The following ADAMTS17 variants were observed in gnomAD, a reference collection of about 807,000 sequenced individuals.
ADAMTS17 encodes A disintegrin and metalloproteinase with thrombospondin motifs 17.
Under a neutral mutation model 141.5 loss-of-function variants are expected in ADAMTS17, and 113 were observed. The ratio of observed to expected loss-of-function variants is 0.80; its 90% CI spans 0.69 to 0.93. ADAMTS17 has a LOEUF of 0.93. Ranked by LOEUF, ADAMTS17 falls within the 40% of genes least tolerant of loss-of-function variation. ADAMTS17 has a pLI of 0.00. For synonymous variants in ADAMTS17, 768 were observed against 630.6 expected, an observed-to-expected ratio of 1.22 and a Z score of -3.27; for missense variants, 1,659 against 1,517.9, an observed-to-expected ratio of 1.09 and a Z score of -1.54.
chr15:100,051,253 G>A (rs1413570601), intron 17 of ADAMTS17, among the ~76,000 whole-genome samples: 3 of 152,166 alleles, frequency 2.0e-5, no homozygotes, highest in African/African-American at 7.2e-5. Context: ...GCAGTTGAAG[G>A]TCTATTCTGT....
chr15:100,162,394 CTA>C (rs1237063507), intron 8 of ADAMTS17, among the ~76,000 whole-genome samples: 2 of 145,076 alleles, frequency 1.4e-5, no homozygotes, highest in East Asian at 2.0e-4. Flanking sequence ...ATATAACTAT[CTA>C]TATGTGTATA....
chr15:100,078,970 T>C (rs935476238), intron 15 of ADAMTS17, among the ~76,000 whole-genome samples: 1 of 152,202 alleles, frequency 6.6e-6, no homozygotes, highest in African/African-American at 2.4e-5. Context: ...AAGATGCTAA[T>C]GATATATTAG....
intron 7 of ADAMTS17, among the ~76,000 whole-genome samples, chr15:100,218,984 C>G (rs1244929018): frequency 6.6e-6 from 1 of 152,158 alleles, no homozygotes; most frequent in East Asian, 1.9e-4. Flanking sequence ...TATGATTTAA[C>G]AAAAGGAGTG....
At chr15:100,333,279 A>G (rs2046110070) in intron 2 of ADAMTS17, among the ~76,000 whole-genome samples, 1 of 152,130 alleles carries the variant, frequency 6.6e-6, no homozygotes, top group African/African-American at 2.4e-5. Flanking sequence ...CTGCCACATA[A>G]CAGTTACTCA....
rs558825977 is a variant in ADAMTS17 at position 100,105,329 on chromosome 15, C to T, written c.2016+3660G>A. 2.3e-4 allele frequency among the ~76,000 whole-genome samples: 35 copies of T among 152,320 alleles called. 1 individual carries two copies. Among genetic ancestry groups the T allele is most frequent in the African/African-American group, 7.5e-4 (31 of 41,562 alleles). On this transcript the variant is annotated intron_variant, in intron 14 of 21. Coordinates refer to ENST00000268070, the MANE Select transcript of ADAMTS17 (RefSeq NM_139057.4). The stretch of plus-strand genomic sequence containing the variant: ...TGAAAGGTGCCTCCATCTGCACCTG[C>T]GCACCCTGGTGACTCTACTTGGTTA...
At chr15:100,034,584 T>C (rs991100908) in intron 18 of ADAMTS17, among the ~76,000 whole-genome samples, 1 of 152,238 alleles carries the variant, frequency 6.6e-6, no homozygotes, top group African/African-American at 2.4e-5. Flanking sequence ...GTGTACACCA[T>C]TGTTTCTATC....
chr15:100,295,591 C>T (rs1406991719), intron 3 of ADAMTS17, among the ~76,000 whole-genome samples: 2 of 152,152 alleles, frequency 1.3e-5, no homozygotes, highest in African/African-American at 4.8e-5. Flanking sequence ...TAAGCCACAG[C>T]CCCACAGCCC....
chr15:99,975,672 A>G (rs988445944), intron 21 of ADAMTS17, among the ~76,000 whole-genome samples: 2 of 152,154 alleles, frequency 1.3e-5, no homozygotes, highest in African/African-American at 4.8e-5. Flanking sequence ...GGTGTGCCCC[A>G]TGTGTGCATC....
At chr15:100,046,748 T>A (rs2031718129) in intron 18 of ADAMTS17, among the ~76,000 whole-genome samples, 1 of 152,222 alleles carries the variant, frequency 6.6e-6, no homozygotes, top group Non-Finnish European at 1.5e-5. Flanking sequence ...TTTACTTTAA[T>A]CTCTTAATCC....
intron 7 of ADAMTS17, among the ~76,000 whole-genome samples, chr15:100,213,291 A>G (rs768629108): frequency 2.6e-5 from 4 of 152,198 alleles, no homozygotes; most frequent in Non-Finnish European, 5.9e-5. Flanking sequence ...GAAAATTAGT[A>G]TTTCTAAAAA....
At chr15:100,137,278 C>A (rs919822718) in intron 10 of ADAMTS17, among the ~76,000 whole-genome samples, 5 of 152,150 alleles carry the variant, frequency 3.3e-5, no homozygotes, top group Non-Finnish European at 7.4e-5. Flanking sequence ...GAAGAACCGG[C>A]TGGGAAGAAG....
At chr15:100,152,864 C>G in intron 9 of ADAMTS17, 102 bp from the exon 10 acceptor site, 1 of 1,431,510 alleles carries the variant, frequency 7.0e-7, no homozygotes, top group Non-Finnish European at 9.4e-7. Context: ...GAGAAGAGGG[C>G]ACCTCCACGT....
chr15:100,016,409 G>A (rs1348518884), intron 18 of ADAMTS17, among the ~76,000 whole-genome samples: 1 of 152,170 alleles, frequency 6.6e-6, no homozygotes, highest in African/African-American at 2.4e-5. Flanking sequence ...TGGTGAACAA[G>A]TGTGAGTTTT....
intron 8 of ADAMTS17, among the ~76,000 whole-genome samples, chr15:100,160,342 C>T (rs563809712): frequency 6.6e-6 from 1 of 152,296 alleles, no homozygotes; most frequent in East Asian, 1.9e-4. Flanking sequence ...TGCTCCCATT[C>T]TCCCTGGCTG....
intron 7 of ADAMTS17, among the ~76,000 whole-genome samples, chr15:100,203,876 TGACA>T (rs1466068710): frequency 6.6e-6 from 1 of 150,968 alleles, no homozygotes; most frequent in African/African-American, 2.4e-5. Context: ...GCAGCCTGGG[TGACA>T]GACCAAGACT....
chr15:100,157,161 A>G (rs769382851), intron 8 of ADAMTS17, among the ~76,000 whole-genome samples: 3 of 152,102 alleles, frequency 2.0e-5, no homozygotes, highest in Non-Finnish European at 4.4e-5. Flanking sequence ...GACAGAGGAA[A>G]CCACCCTCAT....
At chr15:100,310,595 C>T (rs2045371472) in intron 3 of ADAMTS17, among the ~76,000 whole-genome samples, 1 of 152,198 alleles carries the variant, frequency 6.6e-6, no homozygotes, top group South Asian at 2.1e-4. Context: ...AGCAGAAGGT[C>T]CCCTGCAGCA....
At chr15:100,317,433 A>T (rs1596509748) in intron 3 of ADAMTS17, among the ~76,000 whole-genome samples, 1 of 152,074 alleles carries the variant, frequency 6.6e-6, no homozygotes, top group African/African-American at 2.4e-5. Flanking sequence ...GGAAATGAGG[A>T]CCCAGGTTCC....
At chr15:100,104,880 C>T (rs28386469) in intron 14 of ADAMTS17, among the ~76,000 whole-genome samples, 7,157 of 152,252 alleles carry the variant, frequency 0.047, 555 homozygotes, top group African/African-American at 0.16. Flanking sequence ...TGCAACAAGA[C>T]ATAAGTACTA....
Sources: allele counts gnomAD v4.1 joint callset (sites outside exome capture counted in the v4.1 genomes callset), GRCh38; gene constraint gnomAD v4.1.1; transcripts MANE v1.5; gene names NCBI Gene and HGNC (gene_info 2026-07-23, HGNC 2026-07-21).